Variants in DCLK3 observed in about 807,000 individuals in gnomAD.
DCLK3 encodes serine/threonine-protein kinase DCLK3.
DCLK3 carries 30 observed loss-of-function variants against 46.4 expected under a neutral mutation model. That is an observed-to-expected ratio of 0.65 (90% CI 0.48 to 0.88). The LOEUF (loss-of-function observed/expected upper bound fraction) is 0.88, where lower values mean the gene tolerates loss of function less well. Among genes scored for constraint, DCLK3 ranks in the 40% least tolerant of loss-of-function variants. The probability of loss-of-function intolerance (pLI) is 0.00; values close to 1 mark genes in which losing one functional copy is unlikely to be tolerated. For synonymous variants in DCLK3, 401 were observed against 339.2 expected (o/e 1.18, Z -2.00); for missense variants, 846 against 907.1 (o/e 0.93, Z 0.87).
intron 1 of DCLK3, among the ~76,000 whole-genome samples, chr3:36,741,887 T>C (rs922770482): frequency 7.2e-5 from 11 of 152,218 alleles, no homozygotes; most frequent in Admixed American, 3.3e-4. Flanking sequence ...AGCTAAATTC[T>C]GAGCTCTACC....
intron 2 of DCLK3, among the ~76,000 whole-genome samples, chr3:36,724,113 A>T (rs942192979): frequency 1.3e-5 from 2 of 152,230 alleles, no homozygotes; most frequent in African/African-American, 2.4e-5. Context: ...TGGAGTCAAA[A>T]GAGATCATTT....
intron 1 of DCLK3, among the ~76,000 whole-genome samples, chr3:36,741,075 T>C (rs902580934): frequency 1.3e-5 from 2 of 152,228 alleles, no homozygotes; most frequent in African/African-American, 4.8e-5. Flanking sequence ...TTAAACTACA[T>C]ATGGACATCT....
intron 1 of DCLK3, among the ~76,000 whole-genome samples, chr3:36,742,437 G>C (rs917141313): frequency 6.6e-6 from 1 of 152,186 alleles, no homozygotes; most frequent in Non-Finnish European, 1.5e-5. Flanking sequence ...CTCCATCCCA[G>C]GGCATGGCGT....
chr3:36,716,095 C>G (rs1341499079), intron 4 of DCLK3, among the ~76,000 whole-genome samples: 1 of 152,096 alleles, frequency 6.6e-6, no homozygotes, highest in Non-Finnish European at 1.5e-5. Flanking sequence ...AGTGCAAATT[C>G]AAAAATAATT....
chr3:36,716,219 C>G (rs928197531), intron 4 of DCLK3, among the ~76,000 whole-genome samples: 3 of 152,192 alleles, frequency 2.0e-5, no homozygotes, highest in African/African-American at 7.2e-5. Context: ...GCTCTCCCAG[C>G]CTGGCTCATT....
rs567500122 is a variant in DCLK3, at chr3:36,715,201, T to G, written c.*127A>C. 7.9e-6 allele frequency: 8 copies of G among 1,013,306 alleles called. No individual in the cohort carries two copies. In the South Asian group the frequency reaches 1.4e-4, roughly 18 times the overall value. 62.8% of individuals were successfully genotyped at this position (1,013,306 alleles called of 1,614,324 possible). A position where few individuals can be genotyped will look rare whatever the true frequency, so the allele number is the denominator to read the frequency against. ...TTTTTTAATATGCTTTAAAATATAC[T>G]CAGTGTCTCTCCCTCTGATTCACCA... On this transcript the variant is annotated 3_prime_UTR_variant, in exon 5 of 5. Transcript: ENST00000636136.
chr3:36,743,104 G>A (rs567788282), intron 1 of DCLK3, among the ~76,000 whole-genome samples: 9 of 151,944 alleles, frequency 5.9e-5, no homozygotes, highest in African/African-American at 2.2e-4. Context: ...CCTCATACCG[G>A]TTGAGTATCC....
chr3:36,733,983 C>A (rs1299992807), intron 2 of DCLK3, among the ~76,000 whole-genome samples: 1 of 152,114 alleles, frequency 6.6e-6, no homozygotes, highest in Non-Finnish European at 1.5e-5. Flanking sequence ...CGAAGCTTAA[C>A]AAAGACAGGT....
intron 1 of DCLK3, among the ~76,000 whole-genome samples, chr3:36,752,338 G>T (rs538430599): frequency 2.6e-5 from 4 of 152,118 alleles, no homozygotes; most frequent in Admixed American, 6.5e-5. Flanking sequence ...TTGCTTGGCC[G>T]CACTCCCCAC....
chr3:36,733,312 A>ATTCCT (rs1701221725), intron 2 of DCLK3, among the ~76,000 whole-genome samples: 1 of 152,142 alleles, frequency 6.6e-6, no homozygotes, highest in African/African-American at 2.4e-5. Flanking sequence ...CACCCTGCTC[A>ATTCCT]TTCCTTTCCA....
intron 1 of DCLK3, among the ~76,000 whole-genome samples, chr3:36,746,508 G>A (rs1701394695): frequency 6.6e-6 from 1 of 152,060 alleles, no homozygotes; most frequent in African/African-American, 2.4e-5. Flanking sequence ...ACTTACCCTT[G>A]TCTAGTATAT....
chr3:36,717,927 C>A (rs1433290699), intron 4 of DCLK3, 83 bp downstream of exon 4: 5 of 1,550,218 alleles, frequency 3.2e-6, no homozygotes, highest in African/African-American at 1.4e-5. Flanking sequence ...AACTCTGCAC[C>A]AGGCACAGTG....
Position 36,737,688 on chromosome 3 carries a change from C to T in DCLK3, c.1479G>A (p.Glu493=). ...TGTTCTCTTCTGGCCTCGTCTTGGGCTCCTTTTCTAGCTTTGCAGGTTGGT... is the reference window on the plus strand; with the variant it reads ...TGTTCTCTTCTGGCCTCGTCTTGGGTTCCTTTTCTAGCTTTGCAGGTTGGT... ...RDDQPAKLEK[E]PKTRPEENKP... is the part of the protein sequence containing the mutation. Residue 493 remains glutamate, a synonymous_variant, in exon 2 of 5, where the codon GAG becomes GAA. Coordinates refer to ENST00000636136, the MANE Select transcript of DCLK3 (RefSeq NM_001394672.2). This position sits in a 1 kb window ranked among gnomAD's most constrained non-coding sequence, Gnocchi z 4.4. The T allele has an allele frequency of 6.2e-7, 1 of 1,613,620 alleles. No homozygotes were observed. Among genetic ancestry groups the T allele is most frequent in the East Asian group, 2.2e-5 (1 of 44,890 alleles).
At chr3:36,745,644 A>T (rs1010499537) in intron 1 of DCLK3, among the ~76,000 whole-genome samples, 1 of 152,210 alleles carries the variant, frequency 6.6e-6, no homozygotes, top group African/African-American at 2.4e-5. Flanking sequence ...TTGTGGCCTC[A>T]GTATGCAGTG....
chr3:36,734,574 T>C (rs2125528578), intron 2 of DCLK3, among the ~76,000 whole-genome samples: 1 of 152,296 alleles, frequency 6.6e-6, no homozygotes, highest in South Asian at 2.1e-4. Context: ...TATACACATA[T>C]ATATATGGAC....
At chr3:36,717,879 G>A in intron 4 of DCLK3, 131 bp downstream of exon 4, 1 of 1,212,184 alleles carries the variant, frequency 8.2e-7, no homozygotes, top group Non-Finnish European at 1.2e-6. Flanking sequence ...TGAAGCTACT[G>A]AGGAAGTAAA....
intron 2 of DCLK3, among the ~76,000 whole-genome samples, chr3:36,722,711 C>G (rs1306406599): frequency 6.6e-6 from 1 of 152,222 alleles, no homozygotes; most frequent in Non-Finnish European, 1.5e-5. Context: ...CACAAGCTCT[C>G]TCTTTGCCTG....
intron 1 of DCLK3, among the ~76,000 whole-genome samples, chr3:36,743,662 T>C (rs541913884): frequency 6.6e-6 from 1 of 152,190 alleles, no homozygotes; most frequent in African/African-American, 2.4e-5. Flanking sequence ...AAAATACAAA[T>C]GTTTACAGGG....
Position 36,712,478 on chromosome 3 carries a change from A to G in DCLK3, c.*2850T>C, listed in dbSNP as rs1178330358. ...GACACACAATAAACTGCACATAACA[A>G]AAGTGTACAATTTGGTAAGTTTTGA... On this transcript the variant is annotated 3_prime_UTR_variant, in exon 5 of 5. Coordinates refer to ENST00000636136, the MANE Select transcript of DCLK3 (RefSeq NM_001394672.2). 2 of 152,222 alleles carry G rather than the reference A, an allele frequency of 1.3e-5. No individual in the cohort carries two copies. The highest frequency in any genetic ancestry group is 1.9e-4 in the East Asian group (1 of 5,202). 9.4% of individuals were successfully genotyped at this position (152,222 alleles called of 1,614,324 possible). A position where few individuals can be genotyped will look rare whatever the true frequency, so the allele number is the denominator to read the frequency against.
Sources: allele counts gnomAD v4.1 joint callset (sites outside exome capture counted in the v4.1 genomes callset), GRCh38; gene constraint gnomAD v4.1.1; non-coding constraint Gnocchi (gnomAD v3.1); transcripts MANE v1.5; gene names NCBI Gene and HGNC (gene_info 2026-07-23, HGNC 2026-07-21).